SSBP4: variants seen among roughly 807,000 people sequenced by gnomAD.
The protein encoded by SSBP4 is single-stranded DNA-binding protein 4.
SSBP4 carries 33 observed loss-of-function variants against 64.6 expected under a neutral mutation model. The ratio of observed to expected loss-of-function variants is 0.51; its 90% CI spans 0.39 to 0.68. The LOEUF (loss-of-function observed/expected upper bound fraction) is 0.68, where lower values mean the gene tolerates loss of function less well. Ranked by LOEUF, SSBP4 falls within the 30% of genes least tolerant of loss-of-function variation. SSBP4 has a pLI of 0.00. For missense variants in SSBP4, 583 were observed against 566.8 expected, an observed-to-expected ratio of 1.03 and a Z score of -0.29; for synonymous variants, 243 against 224.0, an observed-to-expected ratio of 1.08 and a Z score of -0.76.
chr19:18,419,371 G>C, upstream of SSBP4: 1 of 1,025,568 alleles, frequency 9.8e-7, no homozygotes, highest in Non-Finnish European at 1.2e-6. Flanking sequence ...GGGCGGGGGC[G>C]CGCGCGGCGG....
chr19:18,422,657 G>C (rs960998558), intron 1 of SSBP4, among the ~76,000 whole-genome samples: 2 of 152,214 alleles, frequency 1.3e-5, no homozygotes, highest in East Asian at 3.9e-4. Context: ...AAATGTGGAC[G>C]ACCCATCTTT....
At chr19:18,408,637 C>T in the SSBP4 span, among the ~76,000 whole-genome samples, 9 of 152,002 alleles carry the variant, frequency 5.9e-5, no homozygotes, top group South Asian at 6.2e-4. Context: ...GGATTATAGG[C>T]GCCCGCCATC....
At chr19:18,402,843 C>T in the SSBP4 span, among the ~76,000 whole-genome samples, 476 of 152,208 alleles carry the variant, frequency 3.1e-3, no homozygotes, top group Admixed American at 6.3e-3. Context: ...AACATGGCCT[C>T]GTGGGATGGG....
rs377406977 is a variant in SSBP4 at position 18,432,131 on chromosome 19, C to T, written c.637-16C>T. On this transcript the variant is annotated splice_polypyrimidine_tract_variant and intron_variant, in intron 9 of 17. Transcript: ENST00000270061. ...CTGTCCCCGGTCTACCCCTCACAGC[C>T]CCTTTGCCTCCGCAGAGCTATGGAG... is the stretch of plus-strand genomic sequence containing the variant. 3 of 1,612,436 alleles carry T rather than the reference C, an allele frequency of 1.9e-6. No individual in the cohort carries two copies. The African/African-American group carries it at 4.0e-5, about 22-fold the overall frequency.
At chr19:18,415,617 G>A (rs978285343), upstream of SSBP4, among the ~76,000 whole-genome samples, 15 of 152,168 alleles carry the variant, frequency 9.9e-5, no homozygotes, top group Admixed American at 3.9e-4. Context: ...GGAAGAGGAG[G>A]AGTTGGCCTC....
chr19:18,424,518 C>T (rs1195536441), intron 1 of SSBP4, among the ~76,000 whole-genome samples: 1 of 151,566 alleles, frequency 6.6e-6, no homozygotes, highest in Non-Finnish European at 1.5e-5. Flanking sequence ...GGCAGGGAAA[C>T]AGTGCGCAGA....
chr19:18,421,812 G>C lies in SSBP4; in HGVS notation c.59+2105G>C, dbSNP rs548942023. 1.5e-4 allele frequency among the ~76,000 whole-genome samples: 23 copies of C among 152,330 alleles called. No individual in the cohort carries two copies. In the South Asian group the frequency reaches 2.5e-3, roughly 16 times the overall value. ...CCCAGGTGGAGTGGGGCTTATAGGG[G>C]TCAGGAACAGAGGCTGGGAGGCCCT... is the stretch of plus-strand genomic sequence containing the variant. On this transcript the variant is annotated intron_variant, in intron 1 of 17. Coordinates refer to ENST00000270061, the MANE Select transcript of SSBP4 (RefSeq NM_032627.5).
At chr19:18,403,580 G>A in the SSBP4 span, among the ~76,000 whole-genome samples, 1 of 151,330 alleles carries the variant, frequency 6.6e-6, no homozygotes, top group Non-Finnish European at 1.5e-5. Flanking sequence ...GGGGTCTGGG[G>A]ATCCTGGGGA....
intron 1 of SSBP4, among the ~76,000 whole-genome samples, chr19:18,421,972 C>G (rs1972496098): frequency 1.3e-5 from 2 of 152,192 alleles, no homozygotes; most frequent in African/African-American, 4.8e-5. Context: ...ACCAGCCTGG[C>G]CAACATGATG....
chr19:18,429,941 G>T (rs891525510), intron 4 of SSBP4, among the ~76,000 whole-genome samples: 81 of 152,268 alleles, frequency 5.3e-4, no homozygotes, highest in African/African-American at 1.9e-3. Context: ...TAGGCAGGGG[G>T]CCCCTTGCAG....
rs10405636 is a variant in SSBP4 at position 18,427,932 on chromosome 19, A to C, written c.229A>C (p.Arg77=). ...FWDLYCAAPD[R]REACEHSGEA... ...GGACCTGTACTGCGCGGCGCCTGAC[A>C]GAAGAGAGGCCTGCGAGCACTCCGG... The change falls in exon 4 of 18, where the codon AGA becomes CGA. Residue 77 remains arginine, a synonymous_variant. Transcript: ENST00000270061. The surrounding 1 kb of genome is among the most constrained non-coding windows in gnomAD (Gnocchi z 4.4). 604,952 of 1,613,360 alleles carry C rather than the reference A, an allele frequency of 0.37. 120,331 individuals are homozygous for C. The highest frequency in any genetic ancestry group is 0.75 in the African/African-American group (56,344 of 74,870).
upstream of SSBP4, among the ~76,000 whole-genome samples, chr19:18,416,663 C>T (rs1039840877): frequency 8.5e-5 from 13 of 152,264 alleles, no homozygotes; most frequent in African/African-American, 3.1e-4. Flanking sequence ...ACGGCTGCTT[C>T]CTGGCTCTGC....
the SSBP4 span, among the ~76,000 whole-genome samples, chr19:18,406,784 G>A: frequency 6.6e-6 from 1 of 152,328 alleles, no homozygotes; most frequent in East Asian, 1.9e-4. Flanking sequence ...AAGTCTGGAG[G>A]GGTCTGAGGG....
rs373599311 is a variant in SSBP4 at position 18,427,866 on chromosome 19, G to A, written c.195-32G>A. On this transcript the variant is annotated intron_variant, in intron 3 of 17. Coordinates refer to ENST00000270061, the MANE Select transcript of SSBP4 (RefSeq NM_032627.5). This position sits in a 1 kb window ranked among gnomAD's most constrained non-coding sequence, Gnocchi z 4.4. Reference sequence around the variant, plus strand: ...TGTGGAAGGGGGTTGAGGGAGGCACGTGGAGCAACCATCTTCCCCTTTGGC... The same window carrying A: ...TGTGGAAGGGGGTTGAGGGAGGCACATGGAGCAACCATCTTCCCCTTTGGC... The A allele has an allele frequency of 5.1e-5, 83 of 1,613,854 alleles. No homozygotes were observed. Among genetic ancestry groups the A allele is most frequent in the Non-Finnish European group, 5.8e-5 (68 of 1,179,902 alleles).
intron 4 of SSBP4, 56 bp downstream of exon 4, chr19:18,428,038 G>A (rs1045177995): frequency 1.9e-6 from 3 of 1,547,480 alleles, no homozygotes; most frequent in African/African-American, 2.7e-5. Flanking sequence ...TGCTGGGCCT[G>A]TGGCTGGGGA....
chr19:18,411,590 G>A, the SSBP4 span, among the ~76,000 whole-genome samples: 2 of 152,160 alleles, frequency 1.3e-5, no homozygotes, highest in Non-Finnish European at 2.9e-5. Context: ...TGGAGCTGAA[G>A]CCTGAAGGAT....
chr19:18,403,738 G>A, the SSBP4 span, among the ~76,000 whole-genome samples: 1 of 151,806 alleles, frequency 6.6e-6, no homozygotes, highest in African/African-American at 2.4e-5. Flanking sequence ...TGGGGGTGCT[G>A]GGGTCTAGGG....
At chr19:18,431,443 T>TCA (rs755343600) in intron 6 of SSBP4, 25 bp downstream of exon 6, 125 of 1,341,682 alleles carry the variant, frequency 9.3e-5, no homozygotes, top group Admixed American at 1.2e-4. Flanking sequence ...TGCCTGCCCC[T>TCA]CACACACACA....
chr19:18,434,173 A>G (rs748915268), intron 17 of SSBP4, 44 bp from the exon 18 acceptor site: 2 of 1,607,526 alleles, frequency 1.2e-6, no homozygotes, highest in Admixed American at 3.4e-5. Context: ...CCTCTTCCGG[A>G]GCTGAACTCG....
Sources: gnomAD v4.1 joint callset for allele counts (sites outside exome capture counted in the v4.1 genomes callset) on GRCh38, gnomAD v4.1.1 for gene constraint, Gnocchi (gnomAD v3.1) non-coding constraint, MANE v1.5 for transcripts, NCBI Gene and HGNC (gene_info 2026-07-23, HGNC 2026-07-21) for gene names.